SDK1: variants seen among roughly 807,000 people sequenced by gnomAD.
The protein encoded by SDK1 is sidekick cell adhesion molecule 1, also known as protein sidekick-1.
A neutral mutation model predicts 245.5 loss-of-function variants in SDK1; 157 were observed. The observed-to-expected ratio is 0.64, with a 90% confidence interval of 0.56 to 0.73. The LOEUF is 0.73. Ranked by LOEUF, SDK1 falls within the 30% of genes least tolerant of loss-of-function variation. The pLI is 0.00. For missense variants in SDK1, 3,583 were observed against 3,002.3 expected, an observed-to-expected ratio of 1.19 and a Z score of -4.52; for synonymous variants, 1,647 against 1,278.5, an observed-to-expected ratio of 1.29 and a Z score of -6.15.
chr7:4,202,162 C>G (rs1783925741), intron 35 of SDK1, among the ~76,000 whole-genome samples: 1 of 152,220 alleles, frequency 6.6e-6, no homozygotes, highest in South Asian at 2.1e-4. Flanking sequence ...CTCCGCCTGG[C>G]ACCGTGATTA....
chr7:3,504,828 A>G (rs867584702), intron 1 of SDK1, among the ~76,000 whole-genome samples: 4 of 152,096 alleles, frequency 2.6e-5, no homozygotes, highest in African/African-American at 2.4e-5. Flanking sequence ...AAATGGTGCA[A>G]CCACTTTGGA....
chr7:3,647,845 G>T (rs141746477), intron 4 of SDK1, among the ~76,000 whole-genome samples: 1 of 152,232 alleles, frequency 6.6e-6, no homozygotes, highest in Non-Finnish European at 1.5e-5. Context: ...AAGAAAAGTC[G>T]TGTAATGTCC....
chr7:3,777,273 G>A (rs1780595051), intron 4 of SDK1, among the ~76,000 whole-genome samples: 1 of 152,188 alleles, frequency 6.6e-6, no homozygotes, highest in African/African-American at 2.4e-5. Context: ...TTGATATTCA[G>A]ATGCAGTGCA....
intron 38 of SDK1, among the ~76,000 whole-genome samples, chr7:4,219,843 A>C (rs1785040559): frequency 7.5e-6 from 1 of 133,454 alleles, no homozygotes; most frequent in Non-Finnish European, 1.5e-5. Flanking sequence ...CCTCCTTCAT[A>C]TCATTCCTGA....
chr7:3,605,599 T>C (rs1314566397), intron 1 of SDK1, among the ~76,000 whole-genome samples: 1 of 152,206 alleles, frequency 6.6e-6, no homozygotes, highest in Non-Finnish European at 1.5e-5. Context: ...TCTTGAATAA[T>C]AGAAATGTCA....
In SDK1 at chr7:3,987,190, C is replaced by G. The variant is rs1480148533; in HGVS notation, c.1999C>G (p.Leu667Val). 3.7e-6 allele frequency: 6 copies of G among 1,613,916 alleles called. No individual in the cohort carries two copies. The highest frequency in any genetic ancestry group is 5.1e-6 in the Non-Finnish European group (6 of 1,179,936). ...SRMARLEVIE[L>V]PHSPQNLLVS... Reference sequence around the variant, plus strand: ...TTTCATCCCATTCAATTCAAGTGAACTGCCTCATTCACCTCAGAACCTCCT... The same window carrying G: ...TTTCATCCCATTCAATTCAAGTGAAGTGCCTCATTCACCTCAGAACCTCCT... Residue 667 changes from leucine to valine, a missense_variant, in exon 14 of 45, where the codon CTG (leucine) becomes GTG (valine). Physicochemically the swap from Leu to Val is conservative, Grantham distance 32 (BLOSUM62 1). Coordinates refer to ENST00000404826, the MANE Select transcript of SDK1 (RefSeq NM_152744.4).
intron 7 of SDK1, among the ~76,000 whole-genome samples, chr7:3,957,841 G>C (rs1233693076): frequency 6.6e-6 from 1 of 152,178 alleles, no homozygotes; most frequent in Non-Finnish European, 1.5e-5. Flanking sequence ...TTAAGTAGAG[G>C]AATCTGCTTC....
intron 31 of SDK1, among the ~76,000 whole-genome samples, chr7:4,159,134 G>C (rs895973868): frequency 2.0e-5 from 3 of 152,218 alleles, no homozygotes; most frequent in Non-Finnish European, 4.4e-5. Context: ...CAGCTCCCAG[G>C]CTGGAAACCC....
chr7:3,640,804 C>G (rs530233968), intron 3 of SDK1, among the ~76,000 whole-genome samples: 4 of 152,114 alleles, frequency 2.6e-5, no homozygotes, highest in South Asian at 4.2e-4. Context: ...CTGCTTCAGC[C>G]TCCTGAGCAG....
rs538180341 is a variant in SDK1 at position 4,157,811 on chromosome 7, G to A, written c.4626-637G>A. Among the ~76,000 whole-genome samples the A allele has an allele frequency of 5.3e-5, 8 of 152,238 alleles. No individual in the cohort carries two copies. In the East Asian group the frequency reaches 9.7e-4, roughly 18 times the overall value. ...TTCAAAGGGGTTGCACTTGCCAAGC[G>A]CCTGGCACCGTGTCAGCCCCAGTGA... On this transcript the variant is annotated intron_variant, in intron 30 of 44. Transcript: ENST00000404826.
chr7:4,082,881 A>G (rs571130150), intron 22 of SDK1, among the ~76,000 whole-genome samples: 1 of 152,256 alleles, frequency 6.6e-6, no homozygotes, highest in African/African-American at 2.4e-5. Context: ...TCGGCCTCCC[A>G]AAGTGCTGTG....
intron 4 of SDK1, among the ~76,000 whole-genome samples, chr7:3,780,911 T>C (rs1459763718): frequency 1.3e-5 from 2 of 151,970 alleles, no homozygotes; most frequent in East Asian, 1.9e-4. Context: ...AGATCAGCTT[T>C]ACCTAGGAAG....
At chr7:3,822,848 T>G (rs977974423) in intron 5 of SDK1, among the ~76,000 whole-genome samples, 1 of 151,964 alleles carries the variant, frequency 6.6e-6, no homozygotes, top group African/African-American at 2.4e-5. Context: ...GGGGTACAAT[T>G]GCCTTAGGCC....
At chr7:3,998,154 G>C (rs1215979324) in intron 14 of SDK1, among the ~76,000 whole-genome samples, 1 of 152,228 alleles carries the variant, frequency 6.6e-6, no homozygotes, top group Non-Finnish European at 1.5e-5. Context: ...GGAGGCCCAG[G>C]TCTGCAGCCA....
At chr7:3,413,173 G>C (rs1583820801) in intron 1 of SDK1, among the ~76,000 whole-genome samples, 1 of 152,156 alleles carries the variant, frequency 6.6e-6, no homozygotes, top group African/African-American at 2.4e-5. Context: ...GAAATCTTGG[G>C]TGGCAGTAGC....
intron 1 of SDK1, among the ~76,000 whole-genome samples, chr7:3,546,601 G>T (rs990210630): frequency 6.6e-6 from 1 of 152,196 alleles, no homozygotes; most frequent in African/African-American, 2.4e-5. Flanking sequence ...GCACCAAAAT[G>T]AGTGATGTGA....
At chr7:4,239,159 C>G (rs1254663944) in intron 42 of SDK1, among the ~76,000 whole-genome samples, 3 of 152,196 alleles carry the variant, frequency 2.0e-5, no homozygotes, top group Admixed American at 2.0e-4. Flanking sequence ...GAATGACCCA[C>G]TATCATTAGA....
At position 4,156,082 on chromosome 7, in the gene SDK1, G is replaced by C. The variant is rs115116193; in HGVS notation, c.4626-2366G>C. ...CTCACCTCAGTTTCACGATGCCTGTGCTATTAGCCCAGGTAAGGAAACTGA... is the reference window on the plus strand; with the variant it reads ...CTCACCTCAGTTTCACGATGCCTGTCCTATTAGCCCAGGTAAGGAAACTGA... On this transcript the variant is annotated intron_variant, in intron 30 of 44. Transcript: ENST00000404826. Among the ~76,000 whole-genome samples the C allele has an allele frequency of 2.9e-3, 444 of 152,276 alleles. 3 individuals are homozygous for C. Among genetic ancestry groups the C allele is most frequent in the African/African-American group, 0.01 (427 of 41,548 alleles).
rs574352918 is a variant in SDK1, at chr7:3,485,792, G to A, written c.299-133288G>A. ...CTATATTCATAAGTGCTATTCCCACGTAAGTGTGTTTTCTTATTATATTTA... is the reference window on the plus strand; with the variant it reads ...CTATATTCATAAGTGCTATTCCCACATAAGTGTGTTTTCTTATTATATTTA... On this transcript the variant is annotated intron_variant, in intron 1 of 44. Transcript: ENST00000404826. Among the ~76,000 whole-genome samples, 32 of 144,100 alleles carry A rather than the reference G, an allele frequency of 2.2e-4. No individual in the cohort carries two copies. In the South Asian group the frequency reaches 5.8e-3, roughly 26 times the overall value. 94.5% of individuals were successfully genotyped at this position (144,100 alleles called of 152,430 possible). A position where few individuals can be genotyped will look rare whatever the true frequency, so the allele number is the denominator to read the frequency against.
Sources: allele counts gnomAD v4.1 joint callset (sites outside exome capture counted in the v4.1 genomes callset), GRCh38; gene constraint gnomAD v4.1.1; transcripts MANE v1.5; gene names NCBI Gene and HGNC (gene_info 2026-07-23, HGNC 2026-07-21).